Variants in LIN9 observed in about 807,000 individuals in gnomAD.
LIN9 encodes lin-9 DREAM MuvB core complex component, also known as protein lin-9 homolog.
In LIN9, 18 loss-of-function variants were observed where a neutral mutation model predicts 78.0. The observed-to-expected ratio is 0.23, with a 90% CI of 0.16 to 0.34. The LOEUF (loss-of-function observed/expected upper bound fraction) is 0.34, where lower values mean the gene tolerates loss of function less well. Ranked by LOEUF, LIN9 falls within the 10% of genes least tolerant of loss-of-function variation. LIN9 has a pLI of 1.00. For missense variants in LIN9, 451 were observed against 644.1 expected (o/e 0.70, Z 3.25); for synonymous variants, 192 against 215.2 (o/e 0.89, Z 0.94).
intron 4 of LIN9, among the ~76,000 whole-genome samples, chr1:226,292,625 T>TA (rs1177456436): frequency 1.3e-5 from 2 of 151,760 alleles, no homozygotes; most frequent in Non-Finnish European, 2.9e-5. Flanking sequence ...GGCTAATTTT[T>TA]AAAAAAAATT....
intron 6 of LIN9, among the ~76,000 whole-genome samples, chr1:226,284,494 T>C (rs950288689): frequency 2.0e-5 from 3 of 151,944 alleles, no homozygotes; most frequent in African/African-American, 7.3e-5. Context: ...GAGGCTGAGG[T>C]GGGTGGATCA....
chr1:226,282,407 G>T (rs1661122980), intron 6 of LIN9, among the ~76,000 whole-genome samples: 2 of 152,166 alleles, frequency 1.3e-5, no homozygotes, highest in Admixed American at 1.3e-4. Flanking sequence ...TTACCAAATT[G>T]TCCTCCACAG....
At chr1:226,252,891 C>T (rs1294731579) in intron 10 of LIN9, among the ~76,000 whole-genome samples, 1 of 151,912 alleles carries the variant, frequency 6.6e-6, no homozygotes, top group Admixed American at 6.6e-5. Flanking sequence ...CGCTTGAACC[C>T]GGGAGGCAGA....
At chr1:226,291,817 C>T (rs1661811651) in intron 4 of LIN9, among the ~76,000 whole-genome samples, 1 of 152,028 alleles carries the variant, frequency 6.6e-6, no homozygotes, top group Non-Finnish European at 1.5e-5. Context: ...TTTTCACCAA[C>T]ATCCTTTTTC....
At chr1:226,268,695 C>T (rs1449322821) in intron 7 of LIN9, among the ~76,000 whole-genome samples, 1 of 152,212 alleles carries the variant, frequency 6.6e-6, no homozygotes, top group Non-Finnish European at 1.5e-5. Flanking sequence ...AAGATGCCTA[C>T]ATACTCAGCC....
At chr1:226,294,346 T>A (rs1661989303) in intron 4 of LIN9, among the ~76,000 whole-genome samples, 1 of 151,218 alleles carries the variant, frequency 6.6e-6, no homozygotes, top group African/African-American at 2.4e-5. Context: ...TTTGGGAGGC[T>A]GAGGTGGGCA....
chr1:226,302,560 A>C (rs571630879), intron 1 of LIN9, among the ~76,000 whole-genome samples: 7 of 152,130 alleles, frequency 4.6e-5, no homozygotes, highest in African/African-American at 1.2e-4. Flanking sequence ...AAAAAAAAAA[A>C]AAACAAACCA....
intron 14 of LIN9, 174 bp from the exon 15 acceptor site, chr1:226,232,780 G>A: frequency 2.0e-6 from 1 of 509,316 alleles, no homozygotes; most frequent in Non-Finnish European, 3.4e-6. Context: ...GAACAAATAT[G>A]CTCTAAAGAA....
chr1:226,287,817 GA>G lies in LIN9; in HGVS notation c.265-21del. 6.6e-7 allele frequency: 1 copy of G among 1,510,082 alleles called. No homozygotes were observed. Among genetic ancestry groups the G allele is most frequent in the African/African-American group, 1.5e-5 (1 of 68,216 alleles). 93.5% of individuals were successfully genotyped at this position (1,510,082 alleles called of 1,614,324 possible). ...AAATTTCTATACAATAAAAAAAAGA[GA>G]TTAATTTATGGCTCCATTAAGTAAA... On this transcript the variant is annotated intron_variant, in intron 4 of 14. Transcript: ENST00000681046.
chr1:226,302,581 A>C (rs911266190), intron 1 of LIN9, among the ~76,000 whole-genome samples: 3 of 151,882 alleles, frequency 2.0e-5, no homozygotes, highest in Admixed American at 6.6e-5. Flanking sequence ...ATAGAGAAAG[A>C]AGCTTTTTGA....
intron 4 of LIN9, among the ~76,000 whole-genome samples, chr1:226,290,104 T>C (rs1327101347): frequency 6.6e-6 from 1 of 151,832 alleles, no homozygotes; most frequent in African/African-American, 2.4e-5. Flanking sequence ...AGACAAACTA[T>C]AAACTCTAAA....
chr1:226,261,834 C>G (rs1659606342), intron 10 of LIN9, among the ~76,000 whole-genome samples: 1 of 152,084 alleles, frequency 6.6e-6, no homozygotes, highest in Admixed American at 6.5e-5. Flanking sequence ...AGTAGAAGAA[C>G]AAAGTTGAAG....
At chr1:226,304,361 A>G (rs1031960761) in intron 1 of LIN9, among the ~76,000 whole-genome samples, 4 of 152,126 alleles carry the variant, frequency 2.6e-5, no homozygotes, top group Non-Finnish European at 5.9e-5. Flanking sequence ...GACCCATCTG[A>G]TGTGGAAAAA....
At position 226,232,920 on chromosome 1, in the gene LIN9, T is replaced by C. The variant is rs191781249; in HGVS notation, c.1523+176A>G. On this transcript the variant is annotated intron_variant, in intron 14 of 14. Coordinates refer to ENST00000681046, the MANE Select transcript of LIN9 (RefSeq NM_001366245.2). Reference sequence around the variant, plus strand: ...TGTCCTGATTTCTTTATATACAAAATCCATGTGAAATTTCTATTCTGTCCA... The same window carrying C: ...TGTCCTGATTTCTTTATATACAAAACCCATGTGAAATTTCTATTCTGTCCA... 440 of 509,042 alleles carry C rather than the reference T, an allele frequency of 8.6e-4. 2 individuals are homozygous for C. Among genetic ancestry groups the C allele is most frequent in the African/African-American group, 7.7e-3 (386 of 50,322 alleles). The allele number at this position is 509,042 out of a possible 1,614,324, so 31.5% of individuals were successfully genotyped here. A position where few individuals can be genotyped will look rare whatever the true frequency, so the allele number is the denominator to read the frequency against.
At chr1:226,255,887 T>C (rs1190533575) in intron 10 of LIN9, among the ~76,000 whole-genome samples, 1 of 151,916 alleles carries the variant, frequency 6.6e-6, no homozygotes, top group Non-Finnish European at 1.5e-5. Context: ...GTATAACTTA[T>C]GCATTAATGG....
intron 10 of LIN9, among the ~76,000 whole-genome samples, chr1:226,260,489 T>C (rs1294381445): frequency 2.6e-5 from 4 of 151,996 alleles, no homozygotes; most frequent in Non-Finnish European, 2.9e-5. Context: ...CTGGGCAACA[T>C]AGATCCCCTG....
Position 226,294,605 on chromosome 1 carries a change from C to T in LIN9, c.264+1237G>A, listed in dbSNP as rs554479430. Among the ~76,000 whole-genome samples, 8 of 151,786 alleles carry T rather than the reference C, an allele frequency of 5.3e-5. 1 individual carries two copies. The South Asian group carries it at 1.7e-3, about 32-fold the overall frequency. ...AAAACAAAAAAAAAAAAACCTAATG[C>T]TAAATTCTTGGTTGAGAATATCACC... On this transcript the variant is annotated intron_variant, in intron 4 of 14. Coordinates refer to ENST00000681046, the MANE Select transcript of LIN9 (RefSeq NM_001366245.2).
chr1:226,242,116 A>G (rs1339356200), intron 11 of LIN9, among the ~76,000 whole-genome samples: 1 of 152,214 alleles, frequency 6.6e-6, no homozygotes, highest in Non-Finnish European at 1.5e-5. Flanking sequence ...AATGTACAAG[A>G]ATGACCAAAC....
rs751979702 is a variant in LIN9, at chr1:226,266,246, T to A, written c.903A>T (p.Leu301Phe). 6.3e-7 allele frequency: 1 copy of A among 1,596,840 alleles called. No individual in the cohort carries two copies. The highest frequency in any genetic ancestry group is 8.6e-7 in the Non-Finnish European group (1 of 1,168,846). ...GTGACTGGAGAGGAGGAGTATAATG[T>A]AACCGTGGTGGGGTCATAAAAAATC... ...PSRFFMTPPR[L>F]HYTPPLQSPI... The change falls in exon 9 of 15, where the codon TTA becomes TTT. Residue 301 changes from leucine (L) to phenylalanine (F), a missense_variant. Leu to Phe is a conservative substitution (Grantham distance 22). Transcript: ENST00000681046.
Sources: gnomAD v4.1 joint callset for allele counts (sites outside exome capture counted in the v4.1 genomes callset) on GRCh38, gnomAD v4.1.1 for gene constraint, MANE v1.5 for transcripts, NCBI Gene and HGNC (gene_info 2026-07-23, HGNC 2026-07-21) for gene names.